Variants in OTOGL observed in about 807,000 individuals in gnomAD.
OTOGL encodes the protein otogelin like, also known as otogelin-like protein.
OTOGL carries 285 observed loss-of-function variants against 318.5 expected under a neutral mutation model. That is an observed-to-expected ratio of 0.89 (90% CI 0.81 to 0.99). The LOEUF is 0.99. Among genes scored for constraint, OTOGL ranks in the 50% least tolerant of loss-of-function variants. The pLI, the probability that OTOGL is intolerant of heterozygous loss-of-function variation, is 0.00. For synonymous variants in OTOGL, 987 were observed against 936.5 expected, an observed-to-expected ratio of 1.05 and a Z score of -0.99; for missense variants, 2,899 against 2,845.6, an observed-to-expected ratio of 1.02 and a Z score of -0.43.
chr12:80,276,231 G>A (rs1334214028), intron 24 of OTOGL, among the ~76,000 whole-genome samples: 3 of 151,716 alleles, frequency 2.0e-5, no homozygotes, highest in Non-Finnish European at 2.9e-5. Context: ...AGTTTATGAA[G>A]AGTCTAATGT....
At chr12:80,219,706 G>C in intron 5 of OTOGL, 108 bp from the exon 6 acceptor site, 2 of 744,044 alleles carry the variant, frequency 2.7e-6, no homozygotes, top group South Asian at 1.6e-5. Context: ...TGAGAGTTCT[G>C]TTTAAGTTAA....
intron 38 of OTOGL, among the ~76,000 whole-genome samples, chr12:80,334,019 T>C (rs775901433): frequency 6.6e-6 from 1 of 152,196 alleles, no homozygotes; most frequent in Non-Finnish European, 1.5e-5. Flanking sequence ...GGGAAGGTGC[T>C]GTGTATTTTT....
At chr12:80,176,845 T>C (rs1874563047) in intron 1 of OTOGL, among the ~76,000 whole-genome samples, 1 of 152,170 alleles carries the variant, frequency 6.6e-6, no homozygotes, top group South Asian at 2.1e-4. Context: ...GGTTGTACCA[T>C]TTTACGTTCT....
At chr12:80,159,437 T>C (rs1184733496) in intron 1 of OTOGL, among the ~76,000 whole-genome samples, 4 of 152,152 alleles carry the variant, frequency 2.6e-5, no homozygotes, top group South Asian at 4.1e-4. Flanking sequence ...TCTGATAGAA[T>C]TCAGCTGTGA....
At position 80,103,672 on chromosome 12, in the gene OTOGL, C is replaced by T. The variant is rs547210988; in HGVS notation, c.-20+4067C>T. Among the ~76,000 whole-genome samples the T allele has an allele frequency of 4.6e-5, 7 of 152,342 alleles. No individual in the cohort carries two copies. In the South Asian group the frequency reaches 1.2e-3, roughly 27 times the overall value. Reference sequence around the variant, plus strand: ...GTATACGTACCACCTAGCAGAGTGCCTTGCACATAGTTGGCATTCAATATT... The same window carrying T: ...GTATACGTACCACCTAGCAGAGTGCTTTGCACATAGTTGGCATTCAATATT... On this transcript the variant is annotated intron_variant, in intron 1 of 58. Transcript: ENST00000547103.
intron 49 of OTOGL, among the ~76,000 whole-genome samples, chr12:80,357,408 AT>A (rs58769066): frequency 3.0e-4 from 45 of 151,232 alleles, no homozygotes; most frequent in Admixed American, 2.2e-3. Flanking sequence ...GAATTCTCTA[AT>A]TTTTTTTTTC....
chr12:80,297,969 G>A (rs1292027819), intron 27 of OTOGL, among the ~76,000 whole-genome samples: 1 of 152,176 alleles, frequency 6.6e-6, no homozygotes, highest in South Asian at 2.1e-4. Flanking sequence ...CTACTTGTGA[G>A]CTTGTCTTCC....
chr12:80,313,659 A>C (rs372627296), intron 31 of OTOGL, 27 bp downstream of exon 31: 3 of 1,572,860 alleles, frequency 1.9e-6, no homozygotes, highest in Non-Finnish European at 2.6e-6. Flanking sequence ...GAACATCATT[A>C]TGTAGAGAAC....
In OTOGL at chr12:80,372,198, C is replaced by T. The variant is rs138139960; in HGVS notation, c.6781+134C>T. On this transcript the variant is annotated intron_variant, in intron 57 of 58. Coordinates refer to ENST00000547103, the MANE Select transcript of OTOGL (RefSeq NM_001378609.3). ...CAAATTTTATAAAATATTTTTGTAT[C>T]GTATGTTTTTTGTATCATATGGTTA... 1,019 of 559,942 alleles carry T rather than the reference C, an allele frequency of 1.8e-3. 6 individuals are homozygous for T. Among genetic ancestry groups the T allele is most frequent in the African/African-American group, 0.012 (636 of 51,340 alleles). The allele number at this position is 559,942 out of a possible 1,614,324, so 34.7% of individuals were successfully genotyped here.
At chr12:80,238,809 C>A in intron 9 of OTOGL, 42 bp from the exon 10 acceptor site, 1 of 1,441,272 alleles carries the variant, frequency 6.9e-7, no homozygotes, top group South Asian at 1.5e-5. Flanking sequence ...GATATGATTA[C>A]ACCTATTTGT....
chr12:80,277,810 C>T (rs912999489), intron 24 of OTOGL, among the ~76,000 whole-genome samples: 1 of 151,490 alleles, frequency 6.6e-6, no homozygotes, highest in Admixed American at 6.6e-5. Context: ...CCTATAGACT[C>T]TTTTAAGTAG....
intron 18 of OTOGL, among the ~76,000 whole-genome samples, chr12:80,260,105 A>G (rs541952351): frequency 2.7e-4 from 41 of 152,210 alleles, no homozygotes; most frequent in Admixed American, 1.2e-3. Context: ...AGAACCTCAC[A>G]TATAGTGGAC....
At chr12:80,115,317 T>G (rs759203614) in intron 1 of OTOGL, among the ~76,000 whole-genome samples, 6 of 152,040 alleles carry the variant, frequency 3.9e-5, no homozygotes, top group Non-Finnish European at 7.3e-5. Flanking sequence ...TGCTATTGCT[T>G]TCTCTTTGTA....
chr12:80,305,619 C>G lies in OTOGL; in HGVS notation c.3257C>G (p.Ser1086Ter). Residue 1086 changes from serine to a stop codon, truncating the protein, a stop_gained, in exon 29 of 59, where the codon TCA (serine) becomes TGA (stop). Transcript: ENST00000547103. LOFTEE classifies it high-confidence loss of function. ...TGTGGAAACTTTGACAAATGCACTT[C>G]AAATGATATGACCACATCTAATAAC... ...GLCGNFDKCT[S>*]NDMTTSNNLE... 6.3e-7 allele frequency: 1 copy of G among 1,579,314 alleles called. No homozygotes were observed. The highest frequency in any genetic ancestry group is 8.5e-7 in the Non-Finnish European group (1 of 1,172,510).
intron 1 of OTOGL, among the ~76,000 whole-genome samples, chr12:80,157,740 G>A (rs990113109): frequency 6.6e-6 from 1 of 152,114 alleles, no homozygotes; most frequent in Non-Finnish European, 1.5e-5. Context: ...CGCTGTAGGT[G>A]TGTGGATTTG....
chr12:80,250,131 C>T (rs151216775), intron 11 of OTOGL, among the ~76,000 whole-genome samples: 4,648 of 152,260 alleles, frequency 0.031, 277 homozygotes, highest in African/African-American at 0.11. Context: ...TCTTCTGTGT[C>T]GCTCACGCTG....
intron 5 of OTOGL, among the ~76,000 whole-genome samples, chr12:80,218,795 C>CTTTTTTTTTTTTTTTTTTT (rs34204072): frequency 8.5e-5 from 10 of 118,240 alleles, no homozygotes; most frequent in African/African-American, 2.4e-4. Context: ...CTTTTTCTTT[C>CTTTTTTTTTTTTTTTTTTT]TTTTTTTTTT....
chr12:80,200,988 G>T (rs2137284085), intron 1 of OTOGL, among the ~76,000 whole-genome samples: 1 of 152,156 alleles, frequency 6.6e-6, no homozygotes, highest in East Asian at 1.9e-4. Context: ...AGAGAAGCAA[G>T]AAATAGCTTT....
At chr12:80,188,340 C>T (rs1402434268) in intron 1 of OTOGL, among the ~76,000 whole-genome samples, 3 of 151,908 alleles carry the variant, frequency 2.0e-5, no homozygotes, top group African/African-American at 7.3e-5. Flanking sequence ...GAGTTCGAGA[C>T]CAGCCTGACC....
Sources: gnomAD v4.1 joint callset for allele counts (sites outside exome capture counted in the v4.1 genomes callset) on GRCh38, gnomAD v4.1.1 for gene constraint, MANE v1.5 for transcripts, NCBI Gene and HGNC (gene_info 2026-07-23, HGNC 2026-07-21) for gene names.